The following SRSF3 variants were observed in gnomAD, a reference collection of about 807,000 sequenced individuals.
SRSF3 encodes serine/arginine-rich splicing factor 3.
For missense variants in SRSF3, 58 were observed against 217.1 expected (o/e 0.27, Z 4.61); for synonymous variants, 87 against 73.6 (o/e 1.18, Z -0.93).
At chr6:36,594,505 A>G (rs571315837) in intron 1 of SRSF3, 24 bp downstream of exon 1, 12 of 152,360 alleles carry the variant, frequency 7.9e-5, no homozygotes, top group African/African-American at 2.9e-4. Context: ...GAAAGAGGGA[A>G]TGAGGTGGAA....
intron 4 of SRSF3, 69 bp from the exon 5 acceptor site, chr6:36,601,639 A>AT: frequency 7.1e-7 from 1 of 1,416,332 alleles, no homozygotes; most frequent in South Asian, 1.3e-5. Flanking sequence ...TCACCATGCC[A>AT]GATCAAGAAA....
chr6:36,601,010 T>TTTTTTTTTTTTTTTTTTTTTTTTTTTTTC (rs1778705999), intron 3 of SRSF3, 142 bp from the exon 4 acceptor site: 1 of 297,000 alleles, frequency 3.4e-6, no homozygotes, highest in Admixed American at 5.9e-5. Context: ...TCTTTTTTTT[T>TTTTTTTTTTTTTTTTTTTTTTTTTTTTTC]TTTTTTTTTT....
chr6:36,601,314 G>A, intron 4 of SRSF3, 124 bp downstream of exon 4: 3 of 888,450 alleles, frequency 3.4e-6, no homozygotes, highest in Non-Finnish European at 5.2e-6. Context: ...CAAGTTGTAA[G>A]GATGAGTCAG....
At chr6:36,599,088 C>A in intron 3 of SRSF3, 105 bp downstream of exon 3, 2 of 1,397,260 alleles carry the variant, frequency 1.4e-6, no homozygotes, top group Non-Finnish European at 1.9e-6. Context: ...TTGGAAGAAT[C>A]GGAGGTTTCT....
chr6:36,597,176 G>A, intron 2 of SRSF3: 1 of 562,074 alleles, frequency 1.8e-6, no homozygotes, highest in East Asian at 3.0e-5. Context: ...ACAGTCTCCC[G>A]CTCCCCGCAA....
rs1778788716 is a variant in SRSF3, at chr6:36,605,126, TAGG to T, written c.*3138_*3140del. On this transcript the variant is annotated 3_prime_UTR_variant, in exon 6 of 6. Transcript: ENST00000373715. ...TCTAATTTTTTTCATCCTGTTTTAT[TAGG>T]GGGATTCATCGGGTACCTGAAGATA... 5 of 152,176 alleles carry T rather than the reference TAGG, an allele frequency of 3.3e-5. No individual in the cohort carries two copies. The highest frequency in any genetic ancestry group is 2.6e-4 in the Admixed American group (4 of 15,268). 9.4% of individuals were successfully genotyped at this position (152,176 alleles called of 1,614,324 possible).
At chr6:36,599,219 C>T (rs184815700) in intron 3 of SRSF3, among the ~76,000 whole-genome samples, 92 of 152,250 alleles carry the variant, frequency 6.0e-4, no homozygotes, top group African/African-American at 2.1e-3. Context: ...TCTTCTAGTT[C>T]ATCTTTCTAG....
intron 2 of SRSF3, 78 bp from the exon 3 acceptor site, chr6:36,598,771 C>A: frequency 1.3e-6 from 2 of 1,529,750 alleles, no homozygotes; most frequent in Non-Finnish European, 1.8e-6. Context: ...GCAGAATAGC[C>A]AACTGAGAGT....
At chr6:36,599,906 C>T in intron 3 of SRSF3, 1 of 1,351,262 alleles carries the variant, frequency 7.4e-7, no homozygotes, top group Non-Finnish European at 9.8e-7. Context: ...ACCAGCGCGC[C>T]CCATTCAGCT....
intron 3 of SRSF3, chr6:36,600,139 G>A (rs1309311959): frequency 1.9e-6 from 2 of 1,065,342 alleles, no homozygotes; most frequent in Non-Finnish European, 2.3e-6. Context: ...CAAAAAAGCA[G>A]GAAAAATCCA....
Position 36,602,189 on chromosome 6 carries a change from G to A in SRSF3, c.*200G>A. 9.7e-7 allele frequency: 1 copy of A among 1,032,884 alleles called. No homozygotes were observed. The highest frequency in any genetic ancestry group is 1.3e-6 in the Non-Finnish European group (1 of 755,724). The allele number at this position is 1,032,884 out of a possible 1,614,324, so 64.0% of individuals were successfully genotyped here. On this transcript the variant is annotated 3_prime_UTR_variant, in exon 6 of 6. Coordinates refer to ENST00000373715, the MANE Select transcript of SRSF3 (RefSeq NM_003017.5). Reference sequence around the variant, plus strand: ...GTTTGAAATGGATCATACGAGGCATGTAATACCAAGAATTGTTACTTTACA... The same window carrying A: ...GTTTGAAATGGATCATACGAGGCATATAATACCAAGAATTGTTACTTTACA...
intron 1 of SRSF3, among the ~76,000 whole-genome samples, chr6:36,595,739 G>GTT (rs1778616226): frequency 6.6e-6 from 1 of 152,068 alleles, no homozygotes; most frequent in African/African-American, 2.4e-5. Flanking sequence ...GGACATTTGG[G>GTT]TTAACATCTT....
At chr6:36,599,367 A>G (rs1483320424) in intron 3 of SRSF3, 1 of 194,810 alleles carries the variant, frequency 5.1e-6, no homozygotes, top group Non-Finnish European at 1.1e-5. Context: ...TGTAATATTT[A>G]TCAAACAGGC....
intron 1 of SRSF3, among the ~76,000 whole-genome samples, chr6:36,596,055 G>A (rs2127504507): frequency 6.6e-6 from 1 of 152,234 alleles, no homozygotes; most frequent in Non-Finnish European, 1.5e-5. Context: ...CTCCCGAGTA[G>A]CTGGGACTAC....
chr6:36,600,992 C>CTTTTTTT (rs1169887735), intron 3 of SRSF3, 160 bp from the exon 4 acceptor site: 13 of 340,286 alleles, frequency 3.8e-5, no homozygotes, highest in South Asian at 6.9e-5. Flanking sequence ...TTTTTCTTTT[C>CTTTTTTT]TTTTTTTTCT....
intron 1 of SRSF3, among the ~76,000 whole-genome samples, chr6:36,595,272 T>C (rs1778607057): frequency 6.6e-6 from 1 of 152,234 alleles, no homozygotes; most frequent in Non-Finnish European, 1.5e-5. Context: ...AATAAAGCTT[T>C]ATCAAATACA....
chr6:36,596,579 G>GGGGGGGGGT (rs1778632776), intron 1 of SRSF3, among the ~76,000 whole-genome samples, 182 bp from the exon 2 acceptor site: 1 of 143,260 alleles, frequency 7.0e-6, no homozygotes. Context: ...GGTGGCGGGG[G>GGGGGGGGGT]GGGGGAAATG....
chr6:36,595,394 T>A (rs1397624289), intron 1 of SRSF3, among the ~76,000 whole-genome samples: 2 of 152,222 alleles, frequency 1.3e-5, no homozygotes, highest in Non-Finnish European at 2.9e-5. Flanking sequence ...AAGTGGTATT[T>A]AGTATATTCA....
At chr6:36,599,626 C>A (rs1406411433) in intron 3 of SRSF3, 3 of 383,848 alleles carry the variant, frequency 7.8e-6, no homozygotes, top group African/African-American at 4.2e-5. Context: ...TTACCTCTTA[C>A]AGGTGAGTGG....
Sources: gnomAD v4.1 joint callset for allele counts (sites outside exome capture counted in the v4.1 genomes callset) on GRCh38, gnomAD v4.1.1 for gene constraint, MANE v1.5 for transcripts, NCBI Gene and HGNC (gene_info 2026-07-23, HGNC 2026-07-21) for gene names.